Variants in CABIN1 observed in about 807,000 individuals in gnomAD.
The protein encoded by CABIN1 is calcineurin-binding protein cabin-1.
Under a neutral mutation model 227.7 loss-of-function variants are expected in CABIN1, and 133 were observed. That is an observed-to-expected ratio of 0.58 (90% confidence interval 0.51 to 0.67). CABIN1 has a LOEUF of 0.67. CABIN1 is among the 30% of genes least tolerant of loss of function. The pLI, the probability that CABIN1 is intolerant of heterozygous loss-of-function variation, is 0.00. For missense variants in CABIN1, 2,408 were observed against 2,852.5 expected (o/e 0.84, Z 3.55); for synonymous variants, 1,086 against 1,155.1 (o/e 0.94, Z 1.21).
chr22:24,097,971 A>T (rs745874510), intron 25 of CABIN1, 43 bp from the exon 26 acceptor site: 28 of 1,612,764 alleles, frequency 1.7e-5, no homozygotes, highest in Non-Finnish European at 2.4e-5. Context: ...TTTCAATGTG[A>T]GGTGGAGACT....
intron 15 of CABIN1, among the ~76,000 whole-genome samples, chr22:24,064,943 G>C (rs1418871446): frequency 8.7e-5 from 13 of 149,552 alleles, no homozygotes; most frequent in Non-Finnish European, 1.3e-4. Context: ...GCAACCATCC[G>C]ATTTCTCAAT....
intron 32 of CABIN1, among the ~76,000 whole-genome samples, chr22:24,167,721 A>G (rs529355622): frequency 4.6e-5 from 7 of 152,146 alleles, no homozygotes; most frequent in Non-Finnish European, 1.0e-4. Flanking sequence ...CTTTTTCTCC[A>G]TTTAAAATTA....
intron 18 of CABIN1, among the ~76,000 whole-genome samples, chr22:24,074,717 G>A (rs1389263017): frequency 2.0e-5 from 3 of 152,318 alleles, no homozygotes; most frequent in East Asian, 3.9e-4. Flanking sequence ...CTAAGACAGG[G>A]TTTATAAGGA....
rs138213606 is a variant in CABIN1, at chr22:24,050,848, C to G, written c.680C>G (p.Ser227Trp). The change falls in exon 8 of 37, where the codon TCG becomes TGG. Residue 227 changes from serine to tryptophan, a missense_variant. This residue lies in a region of CABIN1 where 1,045 missense variants were observed against 1,168.4 expected (regional missense o/e 0.89). Transcript: ENST00000263119. ...AGTGACATGTCGATTCACGATGTTTCGGTGAGTGCAGCTGAGACACAGGCG... is the reference window on the plus strand; with the variant it reads ...AGTGACATGTCGATTCACGATGTTTGGGTGAGTGCAGCTGAGACACAGGCG... ...LKCDMSIHDV[S>W]VSAAETQAIV... The G allele has an allele frequency of 3.7e-5, 59 of 1,614,186 alleles. No individual in the cohort carries two copies. The African/African-American group carries it at 7.1e-4, about 19-fold the overall frequency.
Position 24,166,808 on chromosome 22 carries a change from G to T in CABIN1, c.5177G>T (p.Gly1726Val). Reference protein sequence around the residue: ...GPGPEPGGKVGLLNHRPVAMD... With the variant: ...GPGPEPGGKVVLLNHRPVAMD... Reference sequence around the variant, plus strand: ...GGGCCCGAGCCAGGAGGCAAAGTGGGCCTCCTCAACCACCGGCCTGTGGCC... The same window carrying T: ...GGGCCCGAGCCAGGAGGCAAAGTGGTCCTCCTCAACCACCGGCCTGTGGCC... The change falls in exon 32 of 37, where the codon GGC (glycine) becomes GTC (valine). Residue 1726 changes from glycine (G) to valine (V), a missense_variant. This residue lies in a region of CABIN1 where 714 missense variants were observed against 773.8 expected (regional missense o/e 0.92). Coordinates refer to ENST00000263119, the MANE Select transcript of CABIN1 (RefSeq NM_012295.4). 1.2e-6 allele frequency: 2 copies of T among 1,613,036 alleles called. No individual in the cohort carries two copies. Among genetic ancestry groups the T allele is most frequent in the Non-Finnish European group, 1.7e-6 (2 of 1,179,978 alleles).
chr22:24,038,391 A>G lies in CABIN1; in HGVS notation c.140A>G (p.Gln47Arg). The change falls in exon 4 of 37, where the codon CAG becomes CGG. Residue 47 changes from glutamine to arginine, a missense_variant. Gln to Arg is a conservative substitution (Grantham distance 43). This residue lies in a region of CABIN1 where 1,045 missense variants were observed against 1,168.4 expected (regional missense o/e 0.89). Coordinates refer to ENST00000263119, the MANE Select transcript of CABIN1 (RefSeq NM_012295.4). ...TTGTACCACAAGGCCCTTGATCTGCAGAAACATGACCGGTTTGAGGAGTCT... is the reference window on the plus strand; with the variant it reads ...TTGTACCACAAGGCCCTTGATCTGCGGAAACATGACCGGTTTGAGGAGTCT... ...FALYHKALDL[Q>R]KHDRFEESAK... 6 of 1,614,192 alleles carry G rather than the reference A, an allele frequency of 3.7e-6. No individual in the cohort carries two copies. Among genetic ancestry groups the G allele is most frequent in the Non-Finnish European group, 5.1e-6 (6 of 1,180,030 alleles).
Position 24,178,119 on chromosome 22 carries a change from G to C in CABIN1, c.6586G>C (p.Glu2196Gln). ...RKESLCQPALEVLETSSQESS... is the reference protein window; with the variant it reads ...RKESLCQPALQVLETSSQESS... ...GGAGAGCCTATGCCAGCCAGCCCTG[G>C]AGGTCCTGGAGACATCCAGCCAGGA... Residue 2196 changes from glutamate (E) to glutamine (Q), a missense_variant, in exon 37 of 37, where the codon GAG becomes CAG. By Grantham distance (29) the Glu-to-Gln change is conservative (BLOSUM62 2). Transcript: ENST00000263119. 6.2e-7 allele frequency: 1 copy of C among 1,613,862 alleles called. No individual in the cohort carries two copies. Among genetic ancestry groups the C allele is most frequent in the Middle Eastern group, 1.7e-4 (1 of 6,060 alleles).
intron 29 of CABIN1, among the ~76,000 whole-genome samples, chr22:24,163,972 G>A (rs2046303527): frequency 6.6e-6 from 1 of 152,206 alleles, no homozygotes; most frequent in Non-Finnish European, 1.5e-5. Context: ...GCAGAGCCTA[G>A]CCAGAGCTTC....
At chr22:24,090,643 A>G (rs1035596015) in intron 23 of CABIN1, among the ~76,000 whole-genome samples, 2 of 151,668 alleles carry the variant, frequency 1.3e-5, no homozygotes, top group African/African-American at 2.4e-5. Flanking sequence ...CACTGGAGAG[A>G]CATCCAAGGG....
Position 24,052,152 on chromosome 22 carries a change from G to A in CABIN1, c.806+1178G>A, listed in dbSNP as rs1444727465. On this transcript the variant is annotated intron_variant, in intron 8 of 36. Transcript: ENST00000263119. ...AGGCCTGAGAACACTAGAAGGGATT[G>A]TGGTGATGTGACTGGAGAACAGAGG... Among the ~76,000 whole-genome samples, 6 of 152,194 alleles carry A rather than the reference G, an allele frequency of 3.9e-5. No homozygotes were observed. The East Asian group carries it at 9.6e-4, about 24-fold the overall frequency.
chr22:24,139,864 C>T (rs1223564727), intron 29 of CABIN1, among the ~76,000 whole-genome samples: 4 of 152,240 alleles, frequency 2.6e-5, no homozygotes, highest in Non-Finnish European at 5.9e-5. Context: ...AGTTGGTCTC[C>T]AAGCTCATTC....
intron 25 of CABIN1, 120 bp from the exon 26 acceptor site, chr22:24,097,894 G>A: frequency 2.3e-6 from 3 of 1,298,704 alleles, no homozygotes; most frequent in Non-Finnish European, 3.3e-6. Flanking sequence ...ATGGGGTGGG[G>A]GCCACCAGAG....
At chr22:24,141,737 C>A (rs913276661) in intron 29 of CABIN1, among the ~76,000 whole-genome samples, 4 of 152,200 alleles carry the variant, frequency 2.6e-5, no homozygotes, top group Non-Finnish European at 4.4e-5. Flanking sequence ...GTAGCCAGTC[C>A]CCTTTGTCTA....
chr22:24,061,671 A>T (rs1281316530), intron 12 of CABIN1, among the ~76,000 whole-genome samples: 1 of 152,218 alleles, frequency 6.6e-6, no homozygotes, highest in Non-Finnish European at 1.5e-5. Context: ...CCGTCCCAGC[A>T]CTTGGCAGGT....
chr22:24,147,479 T>C (rs1473634418), intron 29 of CABIN1, among the ~76,000 whole-genome samples: 9 of 150,358 alleles, frequency 6.0e-5, no homozygotes, highest in Non-Finnish European at 1.3e-4. Context: ...AGGGCTTCAC[T>C]GTGTCATCCA....
chr22:24,098,204 G>A lies in CABIN1; in HGVS notation c.4117+12G>A, dbSNP rs1436769727. The A allele has an allele frequency of 2.5e-6, 4 of 1,613,900 alleles. No individual in the cohort carries two copies. The highest frequency in any genetic ancestry group is 2.2e-5 in the South Asian group (2 of 91,082). On this transcript the variant is annotated intron_variant, in intron 26 of 36. Transcript: ENST00000263119. ...GGCAACGCCGGACGGTACAGTCCCT[G>A]TTCTCCCTACTGCCAGCCCAGGGCG...
At chr22:24,084,383 C>T (rs895586087) in intron 20 of CABIN1, among the ~76,000 whole-genome samples, 196 bp from the exon 21 acceptor site, 4 of 151,814 alleles carry the variant, frequency 2.6e-5, no homozygotes, top group African/African-American at 4.8e-5. Flanking sequence ...GGATTACAGG[C>T]GCTTGCCACC....
At position 24,122,528 on chromosome 22, in the gene CABIN1, C is replaced by T. The variant is rs577551248; in HGVS notation, c.4632+2830C>T. On this transcript the variant is annotated intron_variant, in intron 28 of 36. Coordinates refer to ENST00000263119, the MANE Select transcript of CABIN1 (RefSeq NM_012295.4). ...TTCAAGACCACCTTGGCCAACATGG[C>T]GAAATCTTGTCTATACTAAAAATAC... Among the ~76,000 whole-genome samples, 95 of 152,062 alleles carry T rather than the reference C, an allele frequency of 6.2e-4. 1 individual carries two copies. The Middle Eastern group carries it at 0.01, about 16-fold the overall frequency.
intron 28 of CABIN1, among the ~76,000 whole-genome samples, chr22:24,121,008 CAG>C (rs1485161014): frequency 1.3e-5 from 2 of 152,150 alleles, no homozygotes; most frequent in African/African-American, 4.8e-5. Flanking sequence ...AGCACCCAGA[CAG>C]AGCAAGCAGC....
Sources: gnomAD v4.1 joint callset for allele counts (sites outside exome capture counted in the v4.1 genomes callset) on GRCh38, gnomAD v4.1.1 for gene constraint, gnomAD v4.1.1 regional missense constraint, MANE v1.5 for transcripts, NCBI Gene and HGNC (gene_info 2026-07-23, HGNC 2026-07-21) for gene names.